The following CACNA1C variants were observed in gnomAD, a reference collection of about 807,000 sequenced individuals.
CACNA1C encodes the protein voltage-dependent L-type calcium channel subunit alpha-1C.
CACNA1C carries 30 observed loss-of-function variants against 229.0 expected under a neutral mutation model. The observed-to-expected ratio is 0.13, with a 90% confidence interval of 0.10 to 0.18. The LOEUF (loss-of-function observed/expected upper bound fraction) is 0.18, where lower values mean the gene tolerates loss of function less well. Among genes scored for constraint, CACNA1C ranks in the 10% least tolerant of loss-of-function variants. CACNA1C has a pLI of 1.00. For missense variants in CACNA1C, 1,658 were observed against 2,845.0 expected (o/e 0.58, Z 9.49); for synonymous variants, 1,114 against 1,132.5 (o/e 0.98, Z 0.33).
rs138561349 is a variant in CACNA1C at position 2,293,772 on chromosome 12, A to C, written c.478-155204A>C. On this transcript the variant is annotated intron_variant, in intron 3 of 46. Transcript: ENST00000399655. ...TGTACTTCATTTTCCAAACCATATT[A>C]TACTCTTATCATTTTTATTTGTATC... Among the ~76,000 whole-genome samples the C allele has an allele frequency of 1.1e-4, 17 of 152,328 alleles. No homozygotes were observed. The East Asian group carries it at 3.1e-3, about 28-fold the overall frequency.
rs112696655 is a variant in CACNA1C, at chr12:2,403,777, G to A, written c.478-45199G>A. Among the ~76,000 whole-genome samples the A allele has an allele frequency of 1.8e-3, 268 of 152,280 alleles. 7 individuals carry two copies. Among genetic ancestry groups the A allele is most frequent in the Middle Eastern group, 0.01 (3 of 294 alleles). On this transcript the variant is annotated intron_variant, in intron 3 of 46. Transcript: ENST00000399655. This position sits in a 1 kb window ranked among gnomAD's most constrained non-coding sequence, Gnocchi z 4.1. ...GTCTGCCACATCACTCAGGGGCTGC[G>A]TGGAGCACTCGGTGCCTTTCCCACC...
At chr12:2,209,995 A>G (rs1207510787) in intron 3 of CACNA1C, among the ~76,000 whole-genome samples, 2 of 152,240 alleles carry the variant, frequency 1.3e-5, no homozygotes, top group African/African-American at 2.4e-5. Context: ...CAGAGAAGGA[A>G]GGAGGGAAGA....
intron 1 of CACNA1C, among the ~76,000 whole-genome samples, chr12:2,000,051 C>A (rs2041836687): frequency 6.6e-6 from 1 of 152,072 alleles, no homozygotes; most frequent in Admixed American, 6.5e-5. Flanking sequence ...TTACTTACAC[C>A]CAAACCACCA....
intron 3 of CACNA1C, among the ~76,000 whole-genome samples, chr12:2,223,996 G>A (rs1469581344): frequency 1.3e-5 from 2 of 152,260 alleles, no homozygotes; most frequent in South Asian, 2.1e-4. Context: ...GTTTAAAGAC[G>A]GGAGAGAATA....
chr12:2,257,215 A>C (rs1253370121), intron 3 of CACNA1C, among the ~76,000 whole-genome samples: 1 of 152,086 alleles, frequency 6.6e-6, no homozygotes, highest in Non-Finnish European at 1.5e-5. Context: ...CTGACATTTC[A>C]CTGGCCAGAA....
rs2097677705 is a variant in CACNA1C, at chr12:2,689,077, TAC to T, written c.6117+302_6117+303del. ...GCAAATGTGAGCCTGGCTGCCTTTATACACAGACAGGCAAGATCCAAGGTGCT... is the reference window on the plus strand; with the variant it reads ...GCAAATGTGAGCCTGGCTGCCTTTATACAGACAGGCAAGATCCAAGGTGCT... On this transcript the variant is annotated intron_variant, in intron 46 of 46. Coordinates refer to ENST00000399655, the MANE Select transcript of CACNA1C (RefSeq NM_000719.7). The surrounding 1 kb of genome is among the most constrained non-coding windows in gnomAD (Gnocchi z 4.2). 6.6e-6 allele frequency among the ~76,000 whole-genome samples: 1 copy of T among 152,166 alleles called. No homozygotes were observed. Among genetic ancestry groups the T allele is most frequent in the South Asian group, 2.1e-4 (1 of 4,826 alleles).
chr12:2,253,340 G>A (rs1237128995), intron 3 of CACNA1C, among the ~76,000 whole-genome samples: 2 of 152,170 alleles, frequency 1.3e-5, no homozygotes, highest in African/African-American at 2.4e-5. Context: ...TTTAATCTGT[G>A]TGTCCTATAT....
intron 3 of CACNA1C, among the ~76,000 whole-genome samples, chr12:2,271,798 A>G (rs891257259): frequency 3.9e-5 from 6 of 152,086 alleles, no homozygotes; most frequent in Non-Finnish European, 1.5e-5. Flanking sequence ...TGGGAGGCTA[A>G]GGCAGGAGGA....
At chr12:2,072,318 C>A (rs1299069084) in intron 1 of CACNA1C, among the ~76,000 whole-genome samples, 1 of 152,136 alleles carries the variant, frequency 6.6e-6, no homozygotes, top group Non-Finnish European at 1.5e-5. Flanking sequence ...CCTGCCCCAG[C>A]CTCCTGAGTA....
Position 2,605,266 on chromosome 12 carries a change from A to G in CACNA1C, c.3048+98A>G, listed in dbSNP as rs535368806. 2 of 810,240 alleles carry G rather than the reference A, an allele frequency of 2.5e-6. No homozygotes were observed. The highest frequency in any genetic ancestry group is 4.1e-5 in the Admixed American group (2 of 48,322). 50.2% of individuals were successfully genotyped at this position (810,240 alleles called of 1,614,324 possible). A position where few individuals can be genotyped will look rare whatever the true frequency, so the allele number is the denominator to read the frequency against. ...TGGGTTGGAAGGAGATGATGGTCAG[A>G]CCAAGTGGCTGCCATGTGGGGTCCC... is the stretch of plus-strand genomic sequence containing the variant. On this transcript the variant is annotated intron_variant, in intron 23 of 46. Coordinates refer to ENST00000399655, the MANE Select transcript of CACNA1C (RefSeq NM_000719.7). This position sits in a 1 kb window ranked among gnomAD's most constrained non-coding sequence, Gnocchi z 6.2.
At chr12:2,057,969 A>T (rs1181880910) in intron 1 of CACNA1C, among the ~76,000 whole-genome samples, 1 of 152,172 alleles carries the variant, frequency 6.6e-6, no homozygotes, top group East Asian at 1.9e-4. Context: ...AACTGGGTGC[A>T]CTTCACAGTT....
At chr12:2,129,854 C>G (rs563026674) in intron 3 of CACNA1C, among the ~76,000 whole-genome samples, 1 of 152,252 alleles carries the variant, frequency 6.6e-6, no homozygotes, top group Admixed American at 6.5e-5. Context: ...GCTCCCCCCT[C>G]TCTCCTGCAG....
intron 3 of CACNA1C, among the ~76,000 whole-genome samples, chr12:2,339,085 A>T (rs1049262192): frequency 1.3e-5 from 2 of 152,234 alleles, no homozygotes; most frequent in African/African-American, 4.8e-5. Context: ...TTGTTAGGTG[A>T]TTTCATCATA....
chr12:2,683,036 A>G (rs2097256516), intron 43 of CACNA1C, among the ~76,000 whole-genome samples: 1 of 152,084 alleles, frequency 6.6e-6, no homozygotes, highest in East Asian at 1.9e-4. Context: ...CAGTATGCAC[A>G]TACATATATA....
chr12:2,124,715 G>A (rs2089222944), intron 3 of CACNA1C, among the ~76,000 whole-genome samples: 1 of 152,180 alleles, frequency 6.6e-6, no homozygotes, highest in Admixed American at 6.5e-5. Flanking sequence ...CGGGTAACCA[G>A]TTGGATATCA....
At chr12:2,200,034 C>T (rs1398267795) in intron 3 of CACNA1C, among the ~76,000 whole-genome samples, 1 of 152,162 alleles carries the variant, frequency 6.6e-6, no homozygotes, top group African/African-American at 2.4e-5. Context: ...TTGTCTGCCT[C>T]CCACCAGAAT....
At chr12:2,325,233 C>T (rs2096238377) in intron 3 of CACNA1C, among the ~76,000 whole-genome samples, 2 of 152,170 alleles carry the variant, frequency 1.3e-5, no homozygotes, top group African/African-American at 4.8e-5. Context: ...CTCTGCCCAC[C>T]ATCCATACTA....
At chr12:2,491,962 TTCTCTCTCTCTCTCTCTCTC>T (rs57394200) in intron 6 of CACNA1C, among the ~76,000 whole-genome samples, 1 of 147,132 alleles carries the variant, frequency 6.8e-6, no homozygotes, top group Non-Finnish European at 1.5e-5. Context: ...TATAAGCAAA[TTCTCTCTCTCTCTCTCTCTC>T]TCTCTCTCTC....
At chr12:2,340,672 C>A (rs6489363) in intron 3 of CACNA1C, among the ~76,000 whole-genome samples, 40,663 of 152,134 alleles carry the variant, frequency 0.27, 9,904 homozygotes, top group African/African-American at 0.66. Flanking sequence ...TGAAAAAAGA[C>A]ACTGGCTGGG....
Sources: gnomAD v4.1 joint callset for allele counts (sites outside exome capture counted in the v4.1 genomes callset) on GRCh38, gnomAD v4.1.1 for gene constraint, Gnocchi (gnomAD v3.1) non-coding constraint, MANE v1.5 for transcripts, NCBI Gene and HGNC (gene_info 2026-07-23, HGNC 2026-07-21) for gene names.